The following RETREG1 variants were observed in gnomAD, a reference collection of about 807,000 sequenced individuals.
The protein encoded by RETREG1 is family with sequence similarity 134 member B.
In RETREG1, 44 loss-of-function variants were observed where a neutral mutation model predicts 54.8. That is an observed-to-expected ratio of 0.80 (90% confidence interval 0.63 to 1.03). The LOEUF (loss-of-function observed/expected upper bound fraction) is 1.03, where lower values mean the gene tolerates loss of function less well. RETREG1 is among the 50% of genes least tolerant of loss of function. RETREG1 has a pLI of 0.00. For synonymous variants in RETREG1, 217 were observed against 238.5 expected, an observed-to-expected ratio of 0.91 and a Z score of 0.83; for missense variants, 554 against 605.1, an observed-to-expected ratio of 0.92 and a Z score of 0.89.
intron 3 of RETREG1, among the ~76,000 whole-genome samples, chr5:16,528,476 C>G (rs992975112): frequency 5.3e-5 from 8 of 152,108 alleles, no homozygotes; most frequent in Non-Finnish European, 1.0e-4. Context: ...TTCCACCTGC[C>G]TGGGACAGGA....
intron 1 of RETREG1, among the ~76,000 whole-genome samples, chr5:16,576,946 A>G (rs1009502188): frequency 6.6e-6 from 1 of 152,190 alleles, no homozygotes; most frequent in African/African-American, 2.4e-5. Context: ...AAATAACAAT[A>G]CCACCATCAC....
At chr5:16,532,464 T>C (rs889969504) in intron 3 of RETREG1, among the ~76,000 whole-genome samples, 4 of 152,178 alleles carry the variant, frequency 2.6e-5, no homozygotes, top group African/African-American at 9.7e-5. Flanking sequence ...AGGCGGAGGT[T>C]GTAGTGAGCC....
At chr5:16,546,592 G>A (rs1254406449) in intron 3 of RETREG1, among the ~76,000 whole-genome samples, 1 of 152,210 alleles carries the variant, frequency 6.6e-6, no homozygotes, top group Non-Finnish European at 1.5e-5. Flanking sequence ...CAGGTGGTTA[G>A]AAAACAGGAA....
At chr5:16,554,614 T>C (rs1469501910) in intron 3 of RETREG1, among the ~76,000 whole-genome samples, 4 of 130,886 alleles carry the variant, frequency 3.1e-5, no homozygotes, top group Non-Finnish European at 5.5e-5. Flanking sequence ...CTGAGATAAC[T>C]ACATTTATGT....
intron 3 of RETREG1, among the ~76,000 whole-genome samples, chr5:16,522,091 T>C (rs965737789): frequency 7.2e-6 from 1 of 138,818 alleles, no homozygotes; most frequent in Non-Finnish European, 1.6e-5. Context: ...CTCCAAGCAA[T>C]GGGGCTTGGG....
chr5:16,564,376 G>T (rs1458470717), intron 3 of RETREG1, among the ~76,000 whole-genome samples: 2 of 152,126 alleles, frequency 1.3e-5, no homozygotes, highest in Non-Finnish European at 2.9e-5. Context: ...TTATTTAAAT[G>T]ATTTCCCTAA....
chr5:16,570,428 A>G (rs1742143891), intron 2 of RETREG1, among the ~76,000 whole-genome samples: 1 of 152,242 alleles, frequency 6.6e-6, no homozygotes. Flanking sequence ...ACACATGTCT[A>G]TTCCTTATAA....
At chr5:16,574,953 G>A (rs1012491907) in intron 1 of RETREG1, among the ~76,000 whole-genome samples, 4 of 152,102 alleles carry the variant, frequency 2.6e-5, no homozygotes, top group Admixed American at 6.5e-5. Context: ...CTCTATTTTT[G>A]TAGCTCTTGT....
intron 3 of RETREG1, among the ~76,000 whole-genome samples, chr5:16,524,868 G>A (rs1018433567): frequency 2.6e-5 from 4 of 151,124 alleles, no homozygotes; most frequent in Non-Finnish European, 4.4e-5. Flanking sequence ...GTGCGCGGGG[G>A]ACACCGTGCT....
chr5:16,589,647 T>C (rs1019532915), intron 1 of RETREG1, among the ~76,000 whole-genome samples: 8 of 152,308 alleles, frequency 5.3e-5, no homozygotes, highest in Admixed American at 5.2e-4. Context: ...ATTACAGGTG[T>C]GAGCCACTGC....
intron 1 of RETREG1, chr5:16,616,076 G>A (rs908805033): frequency 6.5e-6 from 1 of 152,754 alleles, no homozygotes; most frequent in African/African-American, 2.4e-5. Context: ...TGCACACCCG[G>A]GGGTGGGTGC....
chr5:16,482,825 G>A (rs550150152), intron 4 of RETREG1, among the ~76,000 whole-genome samples: 3 of 151,986 alleles, frequency 2.0e-5, no homozygotes, highest in Non-Finnish European at 4.4e-5. Flanking sequence ...TCCCCCTCAT[G>A]GGTTTTATCT....
chr5:16,481,395 A>C (rs1054305237), intron 4 of RETREG1, among the ~76,000 whole-genome samples: 1 of 152,118 alleles, frequency 6.6e-6, no homozygotes, highest in African/African-American at 2.4e-5. Context: ...TGCCAGGTGC[A>C]AGAGAACAGA....
Position 16,478,831 on chromosome 5 carries a change from A to C in RETREG1, c.808+19T>G. On this transcript the variant is annotated intron_variant, in intron 6 of 8. Transcript: ENST00000306320. ...TGTCTCATTTCATGCATAGAATCTA[A>C]AATATAAACTTTACCTACCAGATCT... 1 of 1,608,438 alleles carries C rather than the reference A, an allele frequency of 6.2e-7. No individual in the cohort carries two copies.
rs555565094 is a variant in RETREG1 at position 16,488,171 on chromosome 5, A to T, written c.459-4699T>A. 5.3e-5 allele frequency among the ~76,000 whole-genome samples: 8 copies of T among 152,306 alleles called. No homozygotes were observed. The South Asian group carries it at 1.4e-3, about 28-fold the overall frequency. On this transcript the variant is annotated intron_variant, in intron 3 of 8. Transcript: ENST00000306320. ...ACACTGAATTCCTGTCCTACAAATA[A>T]AGAGGAGGGAGACTTCTGCTTCTGG... is the stretch of plus-strand genomic sequence containing the variant.
At chr5:16,481,862 A>G (rs964082317) in intron 4 of RETREG1, among the ~76,000 whole-genome samples, 3 of 152,026 alleles carry the variant, frequency 2.0e-5, no homozygotes, top group African/African-American at 7.2e-5. Context: ...TAAAGTCTTC[A>G]CCTGATTTTT....
rs1738412907 is a variant in RETREG1 at position 16,473,986 on chromosome 5, A to G, written c.*755T>C. ...ACAAACATATGACGAATGAACAACA[A>G]AACAACTGAATCTGTTTACATCATA... is the stretch of plus-strand genomic sequence containing the variant. On this transcript the variant is annotated 3_prime_UTR_variant, in exon 9 of 9. Transcript: ENST00000306320. 1 of 152,262 alleles carries G rather than the reference A, an allele frequency of 6.6e-6. No individual in the cohort carries two copies. Among genetic ancestry groups the G allele is most frequent in the African/African-American group, 2.4e-5 (1 of 41,456 alleles). 9.4% of individuals were successfully genotyped at this position (152,262 alleles called of 1,614,324 possible).
intron 3 of RETREG1, among the ~76,000 whole-genome samples, chr5:16,485,883 C>T (rs1009816723): frequency 7.2e-5 from 11 of 152,118 alleles, no homozygotes; most frequent in African/African-American, 2.2e-4. Flanking sequence ...ATACTGTTAT[C>T]AAAAACTTGA....
chr5:16,582,984 C>T (rs1027816735), intron 1 of RETREG1, among the ~76,000 whole-genome samples: 6 of 152,156 alleles, frequency 3.9e-5, no homozygotes, highest in Admixed American at 2.6e-4. Context: ...ATTCCATACC[C>T]ACATGGAGCT....
Sources: allele counts gnomAD v4.1 joint callset (sites outside exome capture counted in the v4.1 genomes callset), GRCh38; gene constraint gnomAD v4.1.1; transcripts MANE v1.5; gene names NCBI Gene and HGNC (gene_info 2026-07-23, HGNC 2026-07-21).